Variants in PPP1R1C observed in about 807,000 individuals in gnomAD.
PPP1R1C encodes the protein protein phosphatase 1 regulatory inhibitor subunit 1C.
In PPP1R1C, 15 loss-of-function variants were observed where a neutral mutation model predicts 17.4. The observed-to-expected ratio is 0.86, with a 90% CI of 0.58 to 1.33. The LOEUF (loss-of-function observed/expected upper bound fraction) is 1.33. Ranked by LOEUF, PPP1R1C falls within the 40% of genes most tolerant of loss-of-function variation. PPP1R1C has a pLI of 0.00. For synonymous variants in PPP1R1C, 35 were observed against 43.1 expected, an observed-to-expected ratio of 0.81 and a Z score of 0.73; for missense variants, 143 against 130.0, an observed-to-expected ratio of 1.10 and a Z score of -0.48.
chr2:182,107,218 T>G (rs1174386814), intron 4 of PPP1R1C, among the ~76,000 whole-genome samples: 1 of 151,582 alleles, frequency 6.6e-6, no homozygotes, highest in Non-Finnish European at 1.5e-5. Flanking sequence ...ATTTGTAATC[T>G]TTCAATATGT....
rs148226342 is a variant in PPP1R1C, at chr2:182,088,824, A to G, written c.241+25033A>G. On this transcript the variant is annotated intron_variant, in intron 4 of 4. Transcript: ENST00000682840. ...CCAATTTGCTAATAGGATTACTAGT[A>G]GCAAGCACACTATAAATATGCTTAG... is the stretch of plus-strand genomic sequence containing the variant. Among the ~76,000 whole-genome samples, 48 of 152,340 alleles carry G rather than the reference A, an allele frequency of 3.2e-4. No homozygotes were observed. The East Asian group carries it at 7.3e-3, about 23-fold the overall frequency.
chr2:182,108,700 C>T (rs1553513792), intron 4 of PPP1R1C, among the ~76,000 whole-genome samples: 2 of 152,022 alleles, frequency 1.3e-5, no homozygotes, highest in Non-Finnish European at 2.9e-5. Flanking sequence ...TTTCTGTTAC[C>T]TTGGCCAAAA....
At position 182,061,464 on chromosome 2, in the gene PPP1R1C, C is replaced by T. The variant is rs773379752; in HGVS notation, c.165C>T (p.Pro55=). Reference sequence around the variant, plus strand: ...CAGAAATAGATGACAAGAGGGGGCCCAACACACAAGGGGAAGTAAGTTTTT... The same window carrying T: ...CAGAAATAGATGACAAGAGGGGGCCTAACACACAAGGGGAAGTAAGTTTTT... ...NPPEIDDKRG[P]NTQGELQNAS... The change falls in exon 3 of 5, where the codon CCC becomes CCT. Residue 55 remains proline, a synonymous_variant. Transcript: ENST00000682840. The T allele has an allele frequency of 2.0e-6, 3 of 1,469,342 alleles. No individual in the cohort carries two copies. In the South Asian group the frequency reaches 4.2e-5, roughly 20 times the overall value. The allele number at this position is 1,469,342 out of a possible 1,614,324, so 91.0% of individuals were successfully genotyped here.
intron 2 of PPP1R1C, among the ~76,000 whole-genome samples, chr2:182,025,889 A>G (rs1686593377): frequency 6.9e-6 from 1 of 145,912 alleles, no homozygotes; most frequent in East Asian, 2.0e-4. Context: ...TGACTTTTTA[A>G]TGATCGCCAT....
intron 2 of PPP1R1C, among the ~76,000 whole-genome samples, chr2:182,042,281 A>C (rs1687208800): frequency 6.6e-6 from 1 of 152,232 alleles, no homozygotes; most frequent in Non-Finnish European, 1.5e-5. Context: ...GTCACAGATA[A>C]ATATGAAAAA....
downstream of PPP1R1C, among the ~76,000 whole-genome samples, chr2:182,121,718 G>A (rs116072699): frequency 0.012 from 1,878 of 152,042 alleles, 44 homozygotes; most frequent in African/African-American, 0.042. Flanking sequence ...TGTCCAGGAT[G>A]GTCTCGATAT....
At chr2:182,115,023 T>G (rs1014756574) in intron 4 of PPP1R1C, among the ~76,000 whole-genome samples, 1 of 152,136 alleles carries the variant, frequency 6.6e-6, no homozygotes, top group African/African-American at 2.4e-5. Flanking sequence ...GATTATTACC[T>G]CTTATTTAAA....
intron 4 of PPP1R1C, among the ~76,000 whole-genome samples, chr2:182,114,372 C>A (rs1165813177): frequency 1.3e-5 from 2 of 151,900 alleles, no homozygotes; most frequent in African/African-American, 4.8e-5. Flanking sequence ...TCTAGAATTA[C>A]ATCAAATGTA....
chr2:181,976,159 A>C lies in PPP1R1C; in HGVS notation n.157+895A>C, dbSNP rs1418673529. ...GACAACCCCATTAACATCTCAGAAT[A>C]TATTCTTCCAAACATTTTTCACACA... On this transcript the variant is annotated intron_variant and non_coding_transcript_variant, in intron 2 of 5. Coordinates refer to the PPP1R1C transcript ENST00000464264. The surrounding 1 kb of genome is among the most constrained non-coding windows in gnomAD (Gnocchi z 4.8). Among the ~76,000 whole-genome samples, 1 of 152,124 alleles carries C rather than the reference A, an allele frequency of 6.6e-6. No homozygotes were observed. Among genetic ancestry groups the C allele is most frequent in the Non-Finnish European group, 1.5e-5 (1 of 67,964 alleles).
intron 5 of PPP1R1C, among the ~76,000 whole-genome samples, chr2:182,126,972 C>A (rs1383014436): frequency 3.3e-5 from 5 of 152,062 alleles, no homozygotes; most frequent in African/African-American, 4.8e-5. Flanking sequence ...CATGACTTAA[C>A]AGGGTTTTCC....
rs1165118569 is a variant in PPP1R1C at position 181,998,122 on chromosome 2, A to G, written c.142+10223A>G. Among the ~76,000 whole-genome samples, 3 of 152,170 alleles carry G rather than the reference A, an allele frequency of 2.0e-5. No homozygotes were observed. The East Asian group carries it at 5.8e-4, about 29-fold the overall frequency. ...TGTGTAGGACTAAGAGCCTAACCTT[A>G]GAATCAGTGAACATGGGTTTCATTC... On this transcript the variant is annotated intron_variant, in intron 2 of 4. Transcript: ENST00000682840.
At chr2:182,068,792 T>C (rs887021985) in intron 4 of PPP1R1C, among the ~76,000 whole-genome samples, 6 of 152,192 alleles carry the variant, frequency 3.9e-5, no homozygotes, top group Non-Finnish European at 7.3e-5. Context: ...ATGCAATAAA[T>C]ATTTCTTGCC....
chr2:182,058,868 T>G (rs1398836803), intron 2 of PPP1R1C, among the ~76,000 whole-genome samples: 1 of 152,162 alleles, frequency 6.6e-6, no homozygotes, highest in African/African-American at 2.4e-5. Flanking sequence ...TATAGTTCAC[T>G]TTTCCTTATT....
At chr2:182,017,141 A>G (rs1686284441) in intron 2 of PPP1R1C, among the ~76,000 whole-genome samples, 1 of 152,196 alleles carries the variant, frequency 6.6e-6, no homozygotes, top group East Asian at 1.9e-4. Context: ...TGAATCAACT[A>G]TATCTTTAGT....
chr2:181,990,018 A>AAAC (rs749661382), intron 2 of PPP1R1C, among the ~76,000 whole-genome samples: 17 of 152,194 alleles, frequency 1.1e-4, no homozygotes, highest in Admixed American at 7.2e-4. Flanking sequence ...TCTAAAGATA[A>AAAC]AACAACAACA....
chr2:182,041,953 T>C (rs1042362271), intron 2 of PPP1R1C, among the ~76,000 whole-genome samples: 3 of 152,198 alleles, frequency 2.0e-5, no homozygotes, highest in Admixed American at 6.5e-5. Context: ...TTCGTATATG[T>C]GTTTGTATCC....
chr2:182,108,243 A>G (rs1397365600), intron 4 of PPP1R1C, among the ~76,000 whole-genome samples: 1 of 152,100 alleles, frequency 6.6e-6, no homozygotes, highest in African/African-American at 2.4e-5. Flanking sequence ...ATTCTATTTG[A>G]CCTCACTGTT....
intron 4 of PPP1R1C, among the ~76,000 whole-genome samples, chr2:182,064,775 A>G (rs1238347814): frequency 6.6e-6 from 1 of 150,960 alleles, no homozygotes; most frequent in East Asian, 1.9e-4. Context: ...CAGGGTAATT[A>G]TTGAGACTAC....
chr2:182,080,218 A>G (rs139628586), intron 4 of PPP1R1C, among the ~76,000 whole-genome samples: 75 of 152,302 alleles, frequency 4.9e-4, no homozygotes, highest in African/African-American at 1.6e-3. Flanking sequence ...TTCCCATTGC[A>G]TATCTTCTCG....
Sources: gnomAD v4.1 joint callset for allele counts (sites outside exome capture counted in the v4.1 genomes callset) on GRCh38, gnomAD v4.1.1 for gene constraint, Gnocchi (gnomAD v3.1) non-coding constraint, MANE v1.5 for transcripts, NCBI Gene and HGNC (gene_info 2026-07-23, HGNC 2026-07-21) for gene names.